The following CDH8 variants were observed in gnomAD, a reference collection of about 807,000 sequenced individuals.
CDH8 encodes the protein cadherin 8.
CDH8 carries 17 observed loss-of-function variants against 68.1 expected under a neutral mutation model. The observed-to-expected ratio is 0.25, with a 90% CI of 0.17 to 0.37. The LOEUF is 0.37. CDH8 is among the 10% of genes least tolerant of loss of function. The pLI, the probability that CDH8 is intolerant of heterozygous loss-of-function variation, is 1.00. For synonymous variants in CDH8, 372 were observed against 365.1 expected, an observed-to-expected ratio of 1.02 and a Z score of -0.21; for missense variants, 763 against 999.3, an observed-to-expected ratio of 0.76 and a Z score of 3.19.
At chr16:61,764,392 T>C (rs1960539608) in intron 8 of CDH8, among the ~76,000 whole-genome samples, 1 of 152,122 alleles carries the variant, frequency 6.6e-6, no homozygotes, top group African/African-American at 2.4e-5. Flanking sequence ...ACTTGTCCTC[T>C]CTTCCACAGA....
chr16:61,817,381 G>T, intron 7 of CDH8, 98 bp downstream of exon 7: 1 of 1,181,064 alleles, frequency 8.5e-7, no homozygotes, highest in Non-Finnish European at 1.2e-6. Context: ...TGTGAGCATA[G>T]TCCCAAGGAG....
intron 3 of CDH8, among the ~76,000 whole-genome samples, chr16:61,880,488 T>G (rs1026634993): frequency 6.6e-6 from 1 of 152,184 alleles, no homozygotes; most frequent in Non-Finnish European, 1.5e-5. Flanking sequence ...TGAAGCTCAT[T>G]AAGCTGGAAC....
intron 3 of CDH8, among the ~76,000 whole-genome samples, chr16:61,871,896 G>A (rs906471600): frequency 1.9e-4 from 25 of 134,272 alleles, no homozygotes; most frequent in African/African-American, 3.6e-4. Flanking sequence ...GACACTCACC[G>A]TACATATTTT....
In CDH8 at chr16:61,652,751, A is replaced by G; in HGVS notation, c.*857T>C. On this transcript the variant is annotated 3_prime_UTR_variant, in exon 12 of 12. Transcript: ENST00000577390. ...ATAAATAAAAGCATTAATGGACATC[A>G]ATAAAATATTTATTTCGAGGATTAA... The G allele has an allele frequency of 7.6e-7, 1 of 1,323,550 alleles. No individual in the cohort carries two copies. The allele number at this position is 1,323,550 out of a possible 1,614,324, so 82.0% of individuals were successfully genotyped here.
intron 2 of CDH8, among the ~76,000 whole-genome samples, chr16:61,948,675 A>G (rs1964838476): frequency 6.6e-6 from 1 of 152,232 alleles, no homozygotes; most frequent in African/African-American, 2.4e-5. Flanking sequence ...GCCCAACAAT[A>G]GATGTTAAAT....
At chr16:61,701,985 C>T (rs940537071) in intron 10 of CDH8, among the ~76,000 whole-genome samples, 1 of 152,134 alleles carries the variant, frequency 6.6e-6, no homozygotes, top group Non-Finnish European at 1.5e-5. Flanking sequence ...TTTTTCTATA[C>T]CTTCGTTAAA....
At chr16:62,024,463 A>C (rs763650718) in intron 1 of CDH8, among the ~76,000 whole-genome samples, 2 of 152,164 alleles carry the variant, frequency 1.3e-5, no homozygotes, top group Non-Finnish European at 2.9e-5. Context: ...TTTCATCTAA[A>C]TTTAAATTCA....
intron 2 of CDH8, among the ~76,000 whole-genome samples, chr16:61,996,724 G>C (rs905645955): frequency 9.2e-5 from 14 of 152,016 alleles, no homozygotes; most frequent in Non-Finnish European, 1.6e-4. Context: ...TCTCTGATTA[G>C]GTCTACAATT....
chr16:61,946,640 T>C (rs1964805935), intron 2 of CDH8, among the ~76,000 whole-genome samples: 1 of 152,180 alleles, frequency 6.6e-6, no homozygotes, highest in Admixed American at 6.5e-5. Flanking sequence ...GTCACAGCTT[T>C]GGTACATAGT....
At chr16:61,697,456 C>T (rs980333510) in intron 10 of CDH8, among the ~76,000 whole-genome samples, 1 of 151,702 alleles carries the variant, frequency 6.6e-6, no homozygotes, top group Non-Finnish European at 1.5e-5. Flanking sequence ...CCACAAACAC[C>T]AAGCTATGAG....
intron 2 of CDH8, among the ~76,000 whole-genome samples, chr16:61,984,936 C>T (rs1965600696): frequency 6.6e-6 from 1 of 152,078 alleles, no homozygotes; most frequent in African/African-American, 2.4e-5. Context: ...ACCTATAGTG[C>T]TATTTCTGTT....
intron 7 of CDH8, among the ~76,000 whole-genome samples, chr16:61,797,878 T>C (rs983942030): frequency 6.6e-6 from 1 of 152,276 alleles, no homozygotes; most frequent in African/African-American, 2.4e-5. Context: ...AATATAGAAC[T>C]CTCAGATTCC....
At chr16:61,971,391 G>C (rs910202901) in intron 2 of CDH8, among the ~76,000 whole-genome samples, 1 of 152,070 alleles carries the variant, frequency 6.6e-6, no homozygotes, top group African/African-American at 2.4e-5. Context: ...AAATTTGATA[G>C]AGCAGCTCAC....
intron 8 of CDH8, among the ~76,000 whole-genome samples, chr16:61,759,850 C>T (rs1219896860): frequency 6.6e-6 from 1 of 152,130 alleles, no homozygotes; most frequent in Non-Finnish European, 1.5e-5. Context: ...GATATGGGCT[C>T]TCTTACTGAA....
At chr16:61,853,187 T>C (rs1472140651) in intron 4 of CDH8, among the ~76,000 whole-genome samples, 2 of 151,984 alleles carry the variant, frequency 1.3e-5, no homozygotes, top group Admixed American at 1.3e-4. Context: ...ACTGAAACAA[T>C]AGAAGAAGCT....
At chr16:61,814,801 T>A (rs1962035955) in intron 7 of CDH8, among the ~76,000 whole-genome samples, 1 of 152,174 alleles carries the variant, frequency 6.6e-6, no homozygotes, top group Non-Finnish European at 1.5e-5. Flanking sequence ...CTCTGGCTAG[T>A]CAGGAAATTT....
chr16:62,004,638 G>A (rs1240483278), intron 2 of CDH8, among the ~76,000 whole-genome samples: 1 of 152,194 alleles, frequency 6.6e-6, no homozygotes, highest in African/African-American at 2.4e-5. Context: ...TGTGTCTGTG[G>A]ATATGTGAAT....
intron 2 of CDH8, among the ~76,000 whole-genome samples, chr16:61,986,593 A>C (rs994698780): frequency 6.6e-6 from 1 of 152,226 alleles, no homozygotes; most frequent in Non-Finnish European, 1.5e-5. Flanking sequence ...ATGAGAACTA[A>C]GTCTGAGCAA....
rs527700222 is a variant in CDH8, at chr16:61,725,217, G to A, written c.1536+1877C>T. On this transcript the variant is annotated intron_variant, in intron 9 of 11. Transcript: ENST00000577390. ...AACAAAGAATCAATTTTTTATTTTG[G>A]TTTTGCATAGGAAAGATGAGAAAAC... 3 of 150,662 alleles carry A rather than the reference G, an allele frequency of 2.0e-5. No homozygotes were observed. In the South Asian group the frequency reaches 6.2e-4, roughly 31 times the overall value. The allele number at this position is 150,662 out of a possible 1,614,324, so 9.3% of individuals were successfully genotyped here.
Sources: allele counts gnomAD v4.1 joint callset (sites outside exome capture counted in the v4.1 genomes callset), GRCh38; gene constraint gnomAD v4.1.1; transcripts MANE v1.5; gene names NCBI Gene and HGNC (gene_info 2026-07-23, HGNC 2026-07-21).